The following SAMD4B variants were observed in gnomAD, a reference collection of about 807,000 sequenced individuals.
The protein encoded by SAMD4B is protein Smaug homolog 2.
SAMD4B carries 5 observed loss-of-function variants against 74.5 expected under a neutral mutation model. That is an observed-to-expected ratio of 0.07 (90% confidence interval 0.04 to 0.14). SAMD4B has a LOEUF of 0.14. Ranked by LOEUF, SAMD4B falls within the 10% of genes least tolerant of loss-of-function variation. SAMD4B has a pLI of 1.00. For missense variants in SAMD4B, 608 were observed against 921.8 expected (o/e 0.66, Z 4.41); for synonymous variants, 373 against 374.9 (o/e 1.00, Z 0.06).
rs755483248 is a variant in SAMD4B at position 39,381,035 on chromosome 19, C to G, written c.1894C>G (p.Gln632Glu). 3 of 1,613,048 alleles carry G rather than the reference C, an allele frequency of 1.9e-6. No individual in the cohort carries two copies. Among genetic ancestry groups the G allele is most frequent in the South Asian group, 2.2e-5 (2 of 90,978 alleles). ...NPGGSNSMPS[Q>E]SRSSVQRTHS... The stretch of plus-strand genomic sequence containing the variant: ...TGGAGGCAGCAACAGCATGCCCAGT[C>G]AGAGCCGCAGCTCTGTGCAGCGCAC... Residue 632 changes from glutamine (Q) to glutamate (E), a missense_variant, in exon 12 of 14, where the codon CAG becomes GAG. Physicochemically the swap from Gln to Glu is conservative, Grantham distance 29. Transcript: ENST00000610417.
intron 3 of SAMD4B, among the ~76,000 whole-genome samples, chr19:39,362,707 TA>T (rs1012946033): frequency 6.6e-6 from 1 of 152,088 alleles, no homozygotes; most frequent in Non-Finnish European, 1.5e-5. Flanking sequence ...GGAAGGAGAC[TA>T]GGGGGGTCAG....
chr19:39,349,763 C>T (rs1407058444), intron 1 of SAMD4B: 1 of 152,220 alleles, frequency 6.6e-6, no homozygotes, highest in Non-Finnish European at 1.5e-5. Flanking sequence ...CCTTATTCAT[C>T]CAGAGATGTT....
intron 7 of SAMD4B, among the ~76,000 whole-genome samples, chr19:39,377,195 C>T (rs930173058): frequency 6.6e-6 from 1 of 152,162 alleles, no homozygotes. Context: ...TTGTATTTTT[C>T]CCTGCTCAGT....
At chr19:39,368,807 A>C (rs1174988656) in intron 3 of SAMD4B, among the ~76,000 whole-genome samples, 1 of 152,180 alleles carries the variant, frequency 6.6e-6, no homozygotes, top group Non-Finnish European at 1.5e-5. Context: ...GGGTACTGTA[A>C]TTATCTCCAA....
rs1034427453 is a variant in SAMD4B, at chr19:39,342,486, G to C, written c.-357G>C. The stretch of plus-strand genomic sequence containing the variant: ...CGGCGGTGGTCGGTGCGGGAGGAGG[G>C]AGGGGAGCTTGCGGGCCCGAGAGGG... On this transcript the variant is annotated 5_prime_UTR_variant, in exon 1 of 14. Coordinates refer to ENST00000610417, the MANE Select transcript of SAMD4B (RefSeq NM_001384574.2). The C allele has an allele frequency of 5.6e-6, 1 of 179,638 alleles. No individual in the cohort carries two copies. The highest frequency in any genetic ancestry group is 1.1e-5 in the Non-Finnish European group (1 of 89,408). 11.1% of individuals were successfully genotyped at this position (179,638 alleles called of 1,614,324 possible). A position where few individuals can be genotyped will look rare whatever the true frequency, so the allele number is the denominator to read the frequency against.
chr19:39,384,031 T>C lies in SAMD4B; in HGVS notation c.*504T>C. ...AGGGGAGCAAGGAGAGGAAGCTCTC[T>C]CTCCTCTCCCTGCTTCCCCTTCACC... On this transcript the variant is annotated 3_prime_UTR_variant, in exon 14 of 14. Coordinates refer to ENST00000610417, the MANE Select transcript of SAMD4B (RefSeq NM_001384574.2). 1 of 393,684 alleles carries C rather than the reference T, an allele frequency of 2.5e-6. No individual in the cohort carries two copies. The allele number at this position is 393,684 out of a possible 1,614,324, so 24.4% of individuals were successfully genotyped here.
chr19:39,370,688 A>G (rs1568359103), intron 4 of SAMD4B, among the ~76,000 whole-genome samples: 2 of 152,212 alleles, frequency 1.3e-5, no homozygotes, highest in African/African-American at 2.4e-5. Context: ...ATCTGGCCTC[A>G]CTTTACAGCT....
chr19:39,345,036 C>T (rs1250222955), intron 1 of SAMD4B, among the ~76,000 whole-genome samples: 2 of 152,208 alleles, frequency 1.3e-5, no homozygotes, highest in African/African-American at 4.8e-5. Flanking sequence ...TAGAAATACA[C>T]ATTCTTGAAT....
At chr19:39,343,901 A>G (rs952608129) in intron 1 of SAMD4B, among the ~76,000 whole-genome samples, 9 of 150,228 alleles carry the variant, frequency 6.0e-5, no homozygotes, top group African/African-American at 2.2e-4. Context: ...GTTTTAGAGG[A>G]ATTTTCTGAA....
intron 12 of SAMD4B, among the ~76,000 whole-genome samples, chr19:39,381,888 T>A (rs745477063): frequency 6.6e-6 from 1 of 152,176 alleles, no homozygotes; most frequent in Non-Finnish European, 1.5e-5. Flanking sequence ...GCAGAGATTG[T>A]GCCACTGCAC....
Position 39,376,456 on chromosome 19 carries a change from G to A in SAMD4B, c.927G>A (p.Lys309=). 6.2e-7 allele frequency: 1 copy of A among 1,612,632 alleles called. No individual in the cohort carries two copies. ...SGMKDVPSWL[K]SLRLHKYAAL... ...CCAAAGATGTGCCCTCATGGCTCAA[G>A]AGCCTCCGTTTGCACAAGTATGCAG... The change falls in exon 6 of 14, where the codon AAG becomes AAA. Residue 309 remains lysine (K), a synonymous_variant. Coordinates refer to ENST00000610417, the MANE Select transcript of SAMD4B (RefSeq NM_001384574.2).
chr19:39,382,085 T>G (rs748563077), intron 12 of SAMD4B, among the ~76,000 whole-genome samples: 34 of 152,108 alleles, frequency 2.2e-4, no homozygotes, highest in South Asian at 4.1e-4. Context: ...GGGCTGACTC[T>G]AGAGAGAGCA....
In SAMD4B at chr19:39,356,736, G is replaced by C; in HGVS notation, c.-158G>C. 1.7e-6 allele frequency: 1 copy of C among 600,122 alleles called. No individual in the cohort carries two copies. The highest frequency in any genetic ancestry group is 2.9e-6 in the Non-Finnish European group (1 of 344,016). 37.2% of individuals were successfully genotyped at this position (600,122 alleles called of 1,614,324 possible). A position where few individuals can be genotyped will look rare whatever the true frequency, so the allele number is the denominator to read the frequency against. ...ACCAAGACCTCCCCCCATGTGAGCA[G>C]GCTTCCTCCTCCCCCAACAACCGTT... On this transcript the variant is annotated 5_prime_UTR_variant, in exon 3 of 14. Coordinates refer to ENST00000610417, the MANE Select transcript of SAMD4B (RefSeq NM_001384574.2).
In SAMD4B at chr19:39,384,899, A is replaced by G. The variant is rs2078202170; in HGVS notation, c.*1372A>G. Reference sequence around the variant, plus strand: ...ATTAAAGATACAAAATGTTGGGAAAAAAACAAAAAAAACAAAAAAAAAAAA... The same window carrying G: ...ATTAAAGATACAAAATGTTGGGAAAGAAACAAAAAAAACAAAAAAAAAAAA... On this transcript the variant is annotated 3_prime_UTR_variant, in exon 14 of 14. Coordinates refer to ENST00000610417, the MANE Select transcript of SAMD4B (RefSeq NM_001384574.2). 1 of 152,452 alleles carries G rather than the reference A, an allele frequency of 6.6e-6. No homozygotes were observed. Among genetic ancestry groups the G allele is most frequent in the African/African-American group, 2.4e-5 (1 of 41,382 alleles). The allele number at this position is 152,452 out of a possible 1,614,324, so 9.4% of individuals were successfully genotyped here. A position where few individuals can be genotyped will look rare whatever the true frequency, so the allele number is the denominator to read the frequency against.
In SAMD4B at chr19:39,378,683, G is replaced by A. The variant is rs370472053; in HGVS notation, c.1530+94G>A. The stretch of plus-strand genomic sequence containing the variant: ...CAGCACTTCGGCCACCGAGGCGGGC[G>A]GATCATGAGGTCAGGAGATCGAGAC... On this transcript the variant is annotated intron_variant, in intron 9 of 13. Transcript: ENST00000610417. This position sits in a 1 kb window ranked among gnomAD's most constrained non-coding sequence, Gnocchi z 4.4. 261 of 966,726 alleles carry A rather than the reference G, an allele frequency of 2.7e-4. 5 individuals carry two copies. The highest frequency in any genetic ancestry group is 2.5e-3 in the South Asian group (181 of 73,338). 59.9% of individuals were successfully genotyped at this position (966,726 alleles called of 1,614,324 possible).
At position 39,385,170 on chromosome 19, in the gene SAMD4B, C is replaced by T. The variant is rs1346805953; in HGVS notation, c.*1643C>T. On this transcript the variant is annotated 3_prime_UTR_variant, in exon 14 of 14. Transcript: ENST00000610417. ...ATCAACCTATGCAAGTCCCCCACCC[C>T]GGCCCTCCATGTTTCTGTGCCTTTG... 5.6e-5 allele frequency: 10 copies of T among 178,922 alleles called. No individual in the cohort carries two copies. The highest frequency in any genetic ancestry group is 7.1e-5 in the African/African-American group (3 of 42,350). The allele number at this position is 178,922 out of a possible 1,614,324, so 11.1% of individuals were successfully genotyped here.
At chr19:39,345,862 C>G (rs1280222960) in intron 1 of SAMD4B, among the ~76,000 whole-genome samples, 1 of 152,182 alleles carries the variant, frequency 6.6e-6, no homozygotes, top group Non-Finnish European at 1.5e-5. Context: ...CTCCTCTCCT[C>G]TCACCTCCCT....
rs561085699 is a variant in SAMD4B, at chr19:39,356,758, C to T, written c.-136C>T. 25 of 676,134 alleles carry T rather than the reference C, an allele frequency of 3.7e-5. No individual in the cohort carries two copies. In the East Asian group the frequency reaches 4.8e-4, roughly 13 times the overall value. The allele number at this position is 676,134 out of a possible 1,614,324, so 41.9% of individuals were successfully genotyped here. A position where few individuals can be genotyped will look rare whatever the true frequency, so the allele number is the denominator to read the frequency against. On this transcript the variant is annotated 5_prime_UTR_variant, in exon 3 of 14. Transcript: ENST00000610417. ...GCAGGCTTCCTCCTCCCCCAACAAC[C>T]GTTGCCACCACGCCCAGAAACGTCC... is the stretch of plus-strand genomic sequence containing the variant.
chr19:39,384,101 A>C lies in SAMD4B; in HGVS notation c.*574A>C. On this transcript the variant is annotated 3_prime_UTR_variant, in exon 14 of 14. Coordinates refer to ENST00000610417, the MANE Select transcript of SAMD4B (RefSeq NM_001384574.2). ...GACAGGAGCCACCTTCCTCTCTCTC[A>C]CCTCCCCTGGCCCTGTTCACCAGAG... The C allele has an allele frequency of 1.9e-5, 5 of 270,216 alleles. No homozygotes were observed. The highest frequency in any genetic ancestry group is 4.9e-5 in the Admixed American group (1 of 20,536). The allele number at this position is 270,216 out of a possible 1,614,324, so 16.7% of individuals were successfully genotyped here.
Sources: allele counts gnomAD v4.1 joint callset (sites outside exome capture counted in the v4.1 genomes callset), GRCh38; gene constraint gnomAD v4.1.1; non-coding constraint Gnocchi (gnomAD v3.1); transcripts MANE v1.5; gene names NCBI Gene and HGNC (gene_info 2026-07-23, HGNC 2026-07-21).